TP63: variants seen among roughly 807,000 people sequenced by gnomAD.
TP63 encodes tumor protein 63.
A neutral mutation model predicts 82.8 loss-of-function variants in TP63; 17 were observed. The ratio of observed to expected loss-of-function variants is 0.21; its 90% CI spans 0.14 to 0.31. TP63 has a LOEUF of 0.31. Ranked by LOEUF, TP63 falls within the 10% of genes least tolerant of loss-of-function variation. TP63 has a pLI of 1.00. For missense variants in TP63, 648 were observed against 895.3 expected, an observed-to-expected ratio of 0.72 and a Z score of 3.52; for synonymous variants, 330 against 321.7, an observed-to-expected ratio of 1.03 and a Z score of -0.28.
intron 9 of TP63, among the ~76,000 whole-genome samples, chr3:189,871,897 A>G (rs1718464460): frequency 1.3e-5 from 2 of 152,072 alleles, no homozygotes; most frequent in Admixed American, 1.3e-4. Context: ...ATTTTTGCAC[A>G]TTTTGTAGAG....
intron 4 of TP63, among the ~76,000 whole-genome samples, chr3:189,861,208 G>C (rs1286830592): frequency 6.6e-6 from 1 of 152,044 alleles, no homozygotes; most frequent in East Asian, 1.9e-4. Context: ...GACCACATGT[G>C]TCTTCACTAC....
intron 3 of TP63, among the ~76,000 whole-genome samples, chr3:189,751,281 C>T (rs1262066050): frequency 4.6e-5 from 7 of 152,140 alleles, no homozygotes; most frequent in South Asian, 4.1e-4. Flanking sequence ...AATAAACATA[C>T]GTGTGCATGT....
At chr3:189,758,140 T>A (rs1393203662) in intron 3 of TP63, among the ~76,000 whole-genome samples, 1 of 152,160 alleles carries the variant, frequency 6.6e-6, no homozygotes, top group Admixed American at 6.5e-5. Context: ...CTACCTCAGA[T>A]CATCAGGTAT....
intron 1 of TP63, among the ~76,000 whole-genome samples, chr3:189,668,084 C>T (rs1357162695): frequency 4.0e-5 from 6 of 151,752 alleles, no homozygotes; most frequent in Non-Finnish European, 5.9e-5. Context: ...GAAATTAAGC[C>T]GTAGCAAGTT....
chr3:189,778,007 C>T (rs1723951029), intron 3 of TP63, among the ~76,000 whole-genome samples: 1 of 151,928 alleles, frequency 6.6e-6, no homozygotes, highest in African/African-American at 2.4e-5. Context: ...AGGCATGCGC[C>T]ATCACATCTG....
At chr3:189,663,265 G>A (rs1046897830) in intron 1 of TP63, among the ~76,000 whole-genome samples, 2 of 151,656 alleles carry the variant, frequency 1.3e-5, no homozygotes, top group African/African-American at 4.8e-5. Context: ...TATAAGATAG[G>A]TTCTGGAAGG....
At chr3:189,847,231 G>A (rs574553338) in intron 4 of TP63, among the ~76,000 whole-genome samples, 11 of 152,074 alleles carry the variant, frequency 7.2e-5, no homozygotes, top group Admixed American at 5.2e-4. Flanking sequence ...GGTGGCGGGC[G>A]CCTGTAATCC....
chr3:189,603,458 G>T, the TP63 span, among the ~76,000 whole-genome samples: 1 of 151,796 alleles, frequency 6.6e-6, no homozygotes, highest in African/African-American at 2.4e-5. Context: ...TCTACTTAGT[G>T]TTAATAAGAG....
chr3:189,664,481 T>G (rs1004898272), intron 1 of TP63, among the ~76,000 whole-genome samples: 3 of 152,138 alleles, frequency 2.0e-5, no homozygotes, highest in African/African-American at 7.2e-5. Flanking sequence ...CATTGCAGCA[T>G]GCCACATTGC....
At chr3:189,767,823 G>A (rs1189577508) in intron 3 of TP63, among the ~76,000 whole-genome samples, 1 of 152,098 alleles carries the variant, frequency 6.6e-6, no homozygotes. Context: ...AGACAAAAGA[G>A]CTACCTTAGA....
chr3:189,648,626 G>A (rs1712621818), intron 1 of TP63, among the ~76,000 whole-genome samples: 1 of 147,346 alleles, frequency 6.8e-6, no homozygotes, highest in South Asian at 2.2e-4. Flanking sequence ...TAGGATAAAT[G>A]AATCTTAACA....
intron 4 of TP63, among the ~76,000 whole-genome samples, chr3:189,829,184 T>C (rs1473771390): frequency 2.0e-5 from 3 of 152,192 alleles, no homozygotes; most frequent in Non-Finnish European, 4.4e-5. Context: ...CTATAGGAGC[T>C]GGACCAAGAG....
chr3:189,631,686 C>T, intron 1 of TP63, 109 bp downstream of exon 1: 1 of 1,596,800 alleles, frequency 6.3e-7, no homozygotes, highest in East Asian at 2.3e-5. Flanking sequence ...TTAGTCAGCA[C>T]AGTGATATTA....
At chr3:189,852,225 AG>A (rs2108768251) in intron 4 of TP63, among the ~76,000 whole-genome samples, 1 of 152,282 alleles carries the variant, frequency 6.6e-6, no homozygotes, top group South Asian at 2.1e-4. Context: ...CTGAGAACTG[AG>A]CCCTCTCCTT....
At chr3:189,734,047 T>A (rs1420380091) in intron 1 of TP63, among the ~76,000 whole-genome samples, 1 of 151,950 alleles carries the variant, frequency 6.6e-6, no homozygotes, top group Admixed American at 6.6e-5. Flanking sequence ...TTTCTTTTTC[T>A]TTCTCTCTTT....
chr3:189,785,968 C>T (rs1212429198), intron 3 of TP63, among the ~76,000 whole-genome samples: 1 of 151,800 alleles, frequency 6.6e-6, no homozygotes, highest in Non-Finnish European at 1.5e-5. Flanking sequence ...GTTCTGTATT[C>T]ATGGACTCAA....
chr3:189,597,772 C>T, the TP63 span, among the ~76,000 whole-genome samples: 278 of 151,950 alleles, frequency 1.8e-3, 3 homozygotes, highest in African/African-American at 6.6e-3. Flanking sequence ...TAAAGAAAAG[C>T]AAGAAGTTAG....
intron 1 of TP63, among the ~76,000 whole-genome samples, chr3:189,723,550 G>T (rs1424115414): frequency 6.6e-6 from 1 of 152,100 alleles, no homozygotes. Context: ...ACATTTGTTT[G>T]ACACCCCCTC....
At chr3:189,871,504 C>G (rs1348416749) in intron 9 of TP63, among the ~76,000 whole-genome samples, 1 of 152,184 alleles carries the variant, frequency 6.6e-6, no homozygotes, top group African/African-American at 2.4e-5. Context: ...GGTCCCACAG[C>G]TGGGATGAGT....
Sources: allele counts gnomAD v4.1 joint callset (sites outside exome capture counted in the v4.1 genomes callset), GRCh38; gene constraint gnomAD v4.1.1; transcripts MANE v1.5; gene names NCBI Gene and HGNC (gene_info 2026-07-23, HGNC 2026-07-21).